RIGI: variants seen among roughly 807,000 people sequenced by gnomAD.
RIGI encodes antiviral innate immune response receptor RIG-I.
chr9:32,488,516 G>A, the RIGI span, among the ~76,000 whole-genome samples: 6 of 152,170 alleles, frequency 3.9e-5, no homozygotes, highest in Non-Finnish European at 8.8e-5. Flanking sequence ...ATTTATTCCT[G>A]AAGTCATTTA....
chr9:32,476,882 A>G, the RIGI span: 1 of 1,052,610 alleles, frequency 9.5e-7, no homozygotes, highest in Non-Finnish European at 1.4e-6. Context: ...TTGATTTCCC[A>G]AACTTCTGGG....
chr9:32,524,534 C>T, the RIGI span, among the ~76,000 whole-genome samples: 2 of 149,030 alleles, frequency 1.3e-5, no homozygotes, highest in East Asian at 3.9e-4. Context: ...TCAGGAAAGA[C>T]TGGCACTTGG....
At chr9:32,459,109 G>A in the RIGI span, among the ~76,000 whole-genome samples, 13 of 135,172 alleles carry the variant, frequency 9.6e-5, no homozygotes, top group African/African-American at 2.5e-4. Context: ...GGCTGGTCTC[G>A]AACTCCTGAC....
chr9:32,479,916 A>G, the RIGI span, among the ~76,000 whole-genome samples: 3 of 151,998 alleles, frequency 2.0e-5, no homozygotes, highest in East Asian at 5.8e-4. Flanking sequence ...AAAGCTTTAT[A>G]AAATTACTAA....
At chr9:32,504,569 T>G in the RIGI span, among the ~76,000 whole-genome samples, 2,456 of 151,556 alleles carry the variant, frequency 0.016, 32 homozygotes, top group Non-Finnish European at 0.023. Flanking sequence ...TCCCAGCTAC[T>G]CGGGAGGCTG....
At chr9:32,472,677 C>T in the RIGI span, among the ~76,000 whole-genome samples, 30 of 152,296 alleles carry the variant, frequency 2.0e-4, no homozygotes, top group African/African-American at 7.0e-4. Context: ...CTGCCCTACA[C>T]GCTTCAGACT....
chr9:32,462,598 G>A, the RIGI span, among the ~76,000 whole-genome samples: 201 of 151,806 alleles, frequency 1.3e-3, no homozygotes, highest in Non-Finnish European at 2.2e-3. Context: ...TAGTAGAGAT[G>A]GGGCTTCACC....
chr9:32,468,659 C>CT, the RIGI span, among the ~76,000 whole-genome samples: 72 of 150,958 alleles, frequency 4.8e-4, 1 homozygote, highest in African/African-American at 1.7e-3. Context: ...GAATGAGACT[C>CT]TATCTTAAAA....
At chr9:32,466,363 A>G in the RIGI span, 132 of 1,613,660 alleles carry the variant, frequency 8.2e-5, no homozygotes, top group Non-Finnish European at 1.1e-4. Context: ...TTCTTTGTAC[A>G]TGTTTATTTG....
chr9:32,459,130 C>T, the RIGI span, among the ~76,000 whole-genome samples: 1 of 151,806 alleles, frequency 6.6e-6, no homozygotes, highest in Non-Finnish European at 1.5e-5. Context: ...CTCGTGATCG[C>T]CCACCTTGGC....
chr9:32,488,672 CAG>C, the RIGI span: 1 of 1,442,306 alleles, frequency 6.9e-7, no homozygotes, highest in Admixed American at 2.5e-5. Context: ...AAAAACAAAA[CAG>C]AAAACACATC....
At chr9:32,490,503 A>C in the RIGI span, among the ~76,000 whole-genome samples, 2 of 152,194 alleles carry the variant, frequency 1.3e-5, no homozygotes, top group African/African-American at 4.8e-5. Context: ...AAATGACCAA[A>C]AAAACAAAAC....
At chr9:32,473,286 C>CTTT in the RIGI span, among the ~76,000 whole-genome samples, 361 of 122,478 alleles carry the variant, frequency 2.9e-3, 12 homozygotes, top group East Asian at 5.5e-3. Context: ...ATCTCTAAGA[C>CTTT]TTTTTTTTTT....
At chr9:32,502,963 T>A in the RIGI span, among the ~76,000 whole-genome samples, 3 of 152,170 alleles carry the variant, frequency 2.0e-5, no homozygotes, top group African/African-American at 7.2e-5. Context: ...TCCCAATAAA[T>A]CACATTCTGA....
chr9:32,488,824 C>A, the RIGI span: 1 of 1,613,088 alleles, frequency 6.2e-7, no homozygotes, highest in South Asian at 1.1e-5. Context: ...CCCCTTTTGT[C>A]CTTGTGGGAA....
chr9:32,522,299 C>A, the RIGI span, among the ~76,000 whole-genome samples: 5 of 152,158 alleles, frequency 3.3e-5, no homozygotes, highest in Non-Finnish European at 5.9e-5. Flanking sequence ...AGAGTATACC[C>A]TTTTAAACAG....
the RIGI span, among the ~76,000 whole-genome samples, chr9:32,463,951 AC>A: frequency 8.2e-6 from 1 of 122,174 alleles, no homozygotes. Context: ...AGAATGAAAC[AC>A]CACCAAATCC....
the RIGI span, among the ~76,000 whole-genome samples, chr9:32,517,553 A>G: frequency 0.15 from 23,069 of 152,224 alleles, 1,751 homozygotes; most frequent in Middle Eastern, 0.3. Flanking sequence ...TAAAATAAAA[A>G]TAGAAATGTC....
chr9:32,488,183 G>A, the RIGI span: 1 of 1,613,894 alleles, frequency 6.2e-7, no homozygotes, highest in Non-Finnish European at 8.5e-7. Flanking sequence ...TGTTGCTCCA[G>A]AAATGCCTGT....
Sources: allele counts gnomAD v4.1 joint callset (sites outside exome capture counted in the v4.1 genomes callset), GRCh38; gene constraint gnomAD v4.1.1; transcripts MANE v1.5; gene names NCBI Gene and HGNC (gene_info 2026-07-23, HGNC 2026-07-21).